Variants in KCNIP4 observed in about 807,000 individuals in gnomAD.
KCNIP4 encodes potassium voltage-gated channel interacting protein 4, also known as Kv channel-interacting protein 4.
In KCNIP4, 12 loss-of-function variants were observed where a neutral mutation model predicts 34.0. The ratio of observed to expected loss-of-function variants is 0.35; its 90% CI spans 0.23 to 0.57. The LOEUF (loss-of-function observed/expected upper bound fraction) is 0.57, where lower values mean the gene tolerates loss of function less well. Ranked by LOEUF, KCNIP4 falls within the 20% of genes least tolerant of loss-of-function variation. The probability of loss-of-function intolerance (pLI) is 0.83; values close to 1 mark genes in which losing one functional copy is unlikely to be tolerated. For missense variants in KCNIP4, 238 were observed against 311.7 expected (o/e 0.76, Z 1.78); for synonymous variants, 124 against 102.2 (o/e 1.21, Z -1.29).
chr4:21,510,367 C>G (rs1734209400), intron 1 of KCNIP4, among the ~76,000 whole-genome samples: 2 of 151,880 alleles, frequency 1.3e-5, no homozygotes, highest in Admixed American at 6.6e-5. Context: ...CTTTATTGAT[C>G]AATACAAAGG....
intron 1 of KCNIP4, among the ~76,000 whole-genome samples, chr4:20,968,593 A>C (rs1225758461): frequency 1.3e-5 from 2 of 152,146 alleles, no homozygotes; most frequent in Non-Finnish European, 2.9e-5. Flanking sequence ...AATACTATGC[A>C]GCCATAAAAA....
intron 1 of KCNIP4, among the ~76,000 whole-genome samples, chr4:21,267,782 T>C (rs1481926268): frequency 1.3e-5 from 2 of 148,428 alleles, no homozygotes; most frequent in East Asian, 1.9e-4. Context: ...TGCATCAATG[T>C]TCATCAAGGA....
At chr4:20,778,907 T>A (rs1208246084) in intron 3 of KCNIP4, among the ~76,000 whole-genome samples, 3 of 152,066 alleles carry the variant, frequency 2.0e-5, no homozygotes, top group Admixed American at 6.6e-5. Context: ...TTGGAATGAG[T>A]ATGTCTTCTA....
chr4:21,052,947 T>A (rs916199541), intron 1 of KCNIP4, among the ~76,000 whole-genome samples: 7 of 149,874 alleles, frequency 4.7e-5, no homozygotes, highest in African/African-American at 1.7e-4. Context: ...GGAGAAGAAG[T>A]GGAGAGGGGA....
At position 21,589,156 on chromosome 4, in the gene KCNIP4, GTATATATATATATA is replaced by G. The variant is rs375787939; in HGVS notation, c.61+359401_61+359414del. Among the ~76,000 whole-genome samples the G allele has an allele frequency of 5.2e-4, 37 of 71,244 alleles. 1 individual carries two copies. The highest frequency in any genetic ancestry group is 5.0e-4 in the Non-Finnish European group (18 of 36,224). 46.7% of individuals were successfully genotyped at this position (71,244 alleles called of 152,430 possible). A position where few individuals can be genotyped will look rare whatever the true frequency, so the allele number is the denominator to read the frequency against. On this transcript the variant is annotated intron_variant, in intron 1 of 8. Transcript: ENST00000382152. Reference sequence around the variant, plus strand: ...TGTAGGGGCACAAAAATGGAGGTGTGTATATATATATATATATATATATATATATATATATATAT... The same window carrying G: ...TGTAGGGGCACAAAAATGGAGGTGTGTATATATATATATATATATATATAT...
At chr4:20,910,724 G>C (rs1045508969) in intron 1 of KCNIP4, among the ~76,000 whole-genome samples, 1 of 152,126 alleles carries the variant, frequency 6.6e-6, no homozygotes, top group Admixed American at 6.5e-5. Flanking sequence ...GTTAAACTCT[G>C]TTCCAACATA....
intron 1 of KCNIP4, among the ~76,000 whole-genome samples, chr4:21,674,887 A>G (rs1322523894): frequency 6.6e-6 from 1 of 152,156 alleles, no homozygotes; most frequent in Non-Finnish European, 1.5e-5. Flanking sequence ...AGTGAAATAA[A>G]TTTATTTTAA....
intron 1 of KCNIP4, among the ~76,000 whole-genome samples, chr4:21,719,906 C>T (rs552686794): frequency 3.5e-5 from 5 of 144,194 alleles, no homozygotes; most frequent in East Asian, 2.1e-4. Flanking sequence ...GAGGTTACAG[C>T]GAGCTGAGAT....
chr4:21,504,361 G>C (rs1222822578), intron 1 of KCNIP4, among the ~76,000 whole-genome samples: 1 of 151,546 alleles, frequency 6.6e-6, no homozygotes, highest in Non-Finnish European at 1.5e-5. Context: ...CCAGCTACTG[G>C]GGGAGCTGAG....
intron 1 of KCNIP4, among the ~76,000 whole-genome samples, chr4:21,883,138 A>G (rs1415602534): frequency 6.6e-6 from 1 of 150,496 alleles, no homozygotes; most frequent in Non-Finnish European, 1.5e-5. Context: ...GGACAAATTA[A>G]AAGTTTGTTT....
At position 21,674,261 on chromosome 4, in the gene KCNIP4, T is replaced by C. The variant is rs187045428; in HGVS notation, c.61+274310A>G. ...ATGGAAGATCACAGATCAGGCAAGATTGTGGTGTGTGTATGTGTGCACACA... is the reference window on the plus strand; with the variant it reads ...ATGGAAGATCACAGATCAGGCAAGACTGTGGTGTGTGTATGTGTGCACACA... On this transcript the variant is annotated intron_variant, in intron 1 of 8. Transcript: ENST00000382152. Among the ~76,000 whole-genome samples the C allele has an allele frequency of 2.4e-4, 37 of 152,290 alleles. No homozygotes were observed. In the East Asian group the frequency reaches 6.6e-3, roughly 27 times the overall value.
rs1301920967 is a variant in KCNIP4 at position 20,730,068 on chromosome 4, A to G, written c.*14T>C. 2 of 1,605,392 alleles carry G rather than the reference A, an allele frequency of 1.2e-6. No individual in the cohort carries two copies. The highest frequency in any genetic ancestry group is 8.5e-7 in the Non-Finnish European group (1 of 1,177,134). On this transcript the variant is annotated 3_prime_UTR_variant, in exon 9 of 9. Transcript: ENST00000382152. ...TTCACATTTGTCTGTTGGATTCAGG[A>G]TCTATTTGACAAGTTAAATCACATT...
intron 1 of KCNIP4, among the ~76,000 whole-genome samples, chr4:21,636,165 G>C (rs1414924784): frequency 1.3e-5 from 2 of 150,172 alleles, no homozygotes; most frequent in Non-Finnish European, 3.0e-5. Flanking sequence ...GGGAGGGATA[G>C]CATTAGGTGA....
chr4:20,950,242 T>C (rs886166679), intron 1 of KCNIP4, among the ~76,000 whole-genome samples: 4 of 151,928 alleles, frequency 2.6e-5, no homozygotes, highest in Non-Finnish European at 4.4e-5. Flanking sequence ...GGAGAATACA[T>C]GTCTTCCTTA....
At chr4:20,819,700 T>C (rs531120028) in intron 3 of KCNIP4, among the ~76,000 whole-genome samples, 6 of 152,314 alleles carry the variant, frequency 3.9e-5, no homozygotes, top group African/African-American at 1.4e-4. Flanking sequence ...CATGAGTGCT[T>C]CGCCTCATTA....
intron 6 of KCNIP4, among the ~76,000 whole-genome samples, chr4:20,733,337 TTTG>T (rs1483272130): frequency 3.3e-5 from 5 of 152,166 alleles, no homozygotes; most frequent in African/African-American, 9.7e-5. Flanking sequence ...ACCTTTAAAT[TTTG>T]TTATTAACTT....
intron 3 of KCNIP4, among the ~76,000 whole-genome samples, chr4:20,843,498 G>A (rs1424092862): frequency 1.3e-5 from 2 of 152,174 alleles, no homozygotes; most frequent in Non-Finnish European, 2.9e-5. Context: ...GGGAGGTGGA[G>A]GCAGGCGGAT....
rs7661379 is a variant in KCNIP4, at chr4:20,895,067, T to A, written c.62-12358A>T. Among the ~76,000 whole-genome samples the A allele has an allele frequency of 3.9e-5, 6 of 152,324 alleles. No individual in the cohort carries two copies. In the South Asian group the frequency reaches 1.2e-3, roughly 32 times the overall value. On this transcript the variant is annotated intron_variant, in intron 1 of 8. Transcript: ENST00000382152. ...GTGGCAGTATCAGGAATGTGAACAC[T>A]TGTTCATCTGTCTAGCTCCTGGGTC... is the stretch of plus-strand genomic sequence containing the variant.
At chr4:21,263,456 A>C (rs1284445841) in intron 1 of KCNIP4, among the ~76,000 whole-genome samples, 1 of 152,130 alleles carries the variant, frequency 6.6e-6, no homozygotes, top group Admixed American at 6.6e-5. Context: ...TTCTTGAGCC[A>C]TTCTCTTGGG....
Sources: allele counts gnomAD v4.1 joint callset (sites outside exome capture counted in the v4.1 genomes callset), GRCh38; gene constraint gnomAD v4.1.1; transcripts MANE v1.5; gene names NCBI Gene and HGNC (gene_info 2026-07-23, HGNC 2026-07-21).